ANO6: variants seen among roughly 807,000 people sequenced by gnomAD.
The protein encoded by ANO6 is anoctamin 6.
ANO6 carries 106 observed loss-of-function variants against 117.5 expected under a neutral mutation model. The observed-to-expected ratio is 0.90, with a 90% CI of 0.77 to 1.06. ANO6 has a LOEUF of 1.06. ANO6 is among the 50% of genes least tolerant of loss of function. The probability of loss-of-function intolerance (pLI) is 0.00; values close to 1 mark genes in which losing one functional copy is unlikely to be tolerated. For synonymous variants in ANO6, 367 were observed against 385.1 expected (o/e 0.95, Z 0.55); for missense variants, 955 against 1,121.1 (o/e 0.85, Z 2.12).
chr12:45,436,904 T>C (rs546616857), downstream of ANO6, among the ~76,000 whole-genome samples: 1 of 152,216 alleles, frequency 6.6e-6, no homozygotes, highest in Non-Finnish European at 1.5e-5. Context: ...AGGCAGAGGT[T>C]ACAGTGAGCT....
chr12:45,281,981 G>A (rs903432994), intron 1 of ANO6, among the ~76,000 whole-genome samples: 5 of 152,158 alleles, frequency 3.3e-5, no homozygotes, highest in Non-Finnish European at 7.4e-5. Context: ...GGCAGGATGA[G>A]ATGAAGAGAG....
At chr12:45,358,489 C>G (rs1052513167) in intron 8 of ANO6, among the ~76,000 whole-genome samples, 1 of 151,332 alleles carries the variant, frequency 6.6e-6, no homozygotes, top group Non-Finnish European at 1.5e-5. Flanking sequence ...AAAAAAAAAT[C>G]AAAAATACAT....
intron 3 of ANO6, among the ~76,000 whole-genome samples, chr12:45,337,437 A>T (rs977585142): frequency 6.6e-6 from 1 of 152,080 alleles, no homozygotes; most frequent in Non-Finnish European, 1.5e-5. Flanking sequence ...ATGGTAGGCT[A>T]CACCTTCTAG....
intron 15 of ANO6, among the ~76,000 whole-genome samples, chr12:45,405,713 C>G (rs1324632114): frequency 6.6e-6 from 1 of 152,216 alleles, no homozygotes; most frequent in South Asian, 2.1e-4. Context: ...AGTTCGAGAC[C>G]AGCCTGACCA....
At chr12:45,415,252 T>C (rs1943185919) in intron 16 of ANO6, among the ~76,000 whole-genome samples, 1 of 152,228 alleles carries the variant, frequency 6.6e-6, no homozygotes, top group Non-Finnish European at 1.5e-5. Flanking sequence ...CATAGTGGTC[T>C]TAGTTTTCTC....
chr12:45,375,600 G>C (rs1193195860), intron 9 of ANO6, among the ~76,000 whole-genome samples: 7 of 152,132 alleles, frequency 4.6e-5, no homozygotes, highest in Non-Finnish European at 1.0e-4. Flanking sequence ...AACAAGCAAT[G>C]GGGAAAGGAT....
At chr12:45,402,465 T>G (rs1244787459) in intron 13 of ANO6, among the ~76,000 whole-genome samples, 1 of 152,226 alleles carries the variant, frequency 6.6e-6, no homozygotes, top group African/African-American at 2.4e-5. Flanking sequence ...CTTGATTTTT[T>G]AATGTGTTTC....
chr12:45,219,565 A>G (rs1947366225), intron 1 of ANO6, among the ~76,000 whole-genome samples: 1 of 148,762 alleles, frequency 6.7e-6, no homozygotes, highest in Non-Finnish European at 1.5e-5. Flanking sequence ...ACTGGTTTCA[A>G]ACTCCTGAGC....
intron 1 of ANO6, chr12:45,270,603 C>A: frequency 2.0e-6 from 1 of 492,736 alleles, no homozygotes; most frequent in South Asian, 3.9e-5. Flanking sequence ...GGAGAACAGG[C>A]CTGTCTTTCC....
At chr12:45,373,161 A>G (rs1318048589) in intron 9 of ANO6, among the ~76,000 whole-genome samples, 1 of 152,218 alleles carries the variant, frequency 6.6e-6, no homozygotes, top group Non-Finnish European at 1.5e-5. Flanking sequence ...AGAAGAGCTA[A>G]CTATCCTAAA....
At chr12:45,305,010 C>A (rs781258837) in intron 2 of ANO6, among the ~76,000 whole-genome samples, 2 of 152,226 alleles carry the variant, frequency 1.3e-5, no homozygotes, top group Admixed American at 6.5e-5. Context: ...GATTACATGT[C>A]ACCTGCATAT....
chr12:45,240,658 C>CATT (rs201534571), intron 1 of ANO6, among the ~76,000 whole-genome samples: 1,652 of 152,166 alleles, frequency 0.011, 27 homozygotes, highest in African/African-American at 0.037. Context: ...ATGGTCTTTA[C>CATT]AATTTGGCAT....
intron 1 of ANO6, among the ~76,000 whole-genome samples, chr12:45,267,929 A>T (rs1159001464): frequency 2.0e-5 from 3 of 152,160 alleles, no homozygotes; most frequent in Non-Finnish European, 2.9e-5. Flanking sequence ...ATAAGTCAAA[A>T]CTGTATTGAA....
At chr12:45,405,415 G>T (rs79619502) in intron 15 of ANO6, among the ~76,000 whole-genome samples, 1 of 152,106 alleles carries the variant, frequency 6.6e-6, no homozygotes, top group Non-Finnish European at 1.5e-5. Context: ...TATACTATCC[G>T]TGGTTTATAC....
chr12:45,223,864 T>C (rs138141315), intron 1 of ANO6, among the ~76,000 whole-genome samples: 3 of 152,302 alleles, frequency 2.0e-5, no homozygotes, highest in Middle Eastern at 6.8e-3. Context: ...GGCACCTTGG[T>C]AGGAGCCAAG....
chr12:45,221,059 T>TTG (rs1555156312), intron 1 of ANO6, among the ~76,000 whole-genome samples: 24 of 149,214 alleles, frequency 1.6e-4, no homozygotes, highest in African/African-American at 5.9e-4. Flanking sequence ...GTGTCGGAAG[T>TTG]GGGGGGGGGC....
chr12:45,328,745 C>T (rs1029839669), intron 2 of ANO6, among the ~76,000 whole-genome samples: 7 of 152,052 alleles, frequency 4.6e-5, no homozygotes, highest in Non-Finnish European at 8.8e-5. Context: ...TAGTAGTTGT[C>T]TATTATTACA....
intron 6 of ANO6, 37 bp downstream of exon 6, chr12:45,348,668 T>C (rs755238186): frequency 1.4e-4 from 213 of 1,472,004 alleles, no homozygotes; most frequent in Non-Finnish European, 2.0e-4. Context: ...AAAGGCCTTC[T>C]GTATACTCTG....
intron 2 of ANO6, among the ~76,000 whole-genome samples, chr12:45,329,219 T>TA (rs1311174660): frequency 3.9e-5 from 6 of 152,284 alleles, no homozygotes; most frequent in East Asian, 3.9e-4. Flanking sequence ...CCAGTTCCGT[T>TA]ATTTGTTACA....
Sources: gnomAD v4.1 joint callset for allele counts (sites outside exome capture counted in the v4.1 genomes callset) on GRCh38, gnomAD v4.1.1 for gene constraint, MANE v1.5 for transcripts, NCBI Gene and HGNC (gene_info 2026-07-23, HGNC 2026-07-21) for gene names.